Variants in DLGAP5 observed in about 807,000 individuals in gnomAD.
DLGAP5 encodes disks large-associated protein 5.
DLGAP5 carries 90 observed loss-of-function variants against 99.6 expected under a neutral mutation model. The ratio of observed to expected loss-of-function variants is 0.90; its 90% CI spans 0.76 to 1.08. The LOEUF (loss-of-function observed/expected upper bound fraction) is 1.08. DLGAP5 is among the 50% of genes least tolerant of loss of function. The pLI is 0.00. For synonymous variants in DLGAP5, 311 were observed against 321.3 expected (o/e 0.97, Z 0.34); for missense variants, 1,036 against 983.5 (o/e 1.05, Z -0.71).
rs761648332 is a variant in DLGAP5, at chr14:55,176,029, T to C, written c.1050-11A>G. The C allele has an allele frequency of 1.3e-5, 21 of 1,595,900 alleles. No individual in the cohort carries two copies. The highest frequency in any genetic ancestry group is 6.8e-5 in the South Asian group (6 of 87,804). ...GCTTGAGACTCATCACTAAAAACAATAGCAAAAATATACTTCATGAAACAT... is the reference window on the plus strand; with the variant it reads ...GCTTGAGACTCATCACTAAAAACAACAGCAAAAATATACTTCATGAAACAT... On this transcript the variant is annotated splice_polypyrimidine_tract_variant and intron_variant, in intron 8 of 18. Coordinates refer to ENST00000247191, the MANE Select transcript of DLGAP5 (RefSeq NM_014750.5).
intron 15 of DLGAP5, 67 bp downstream of exon 15, chr14:55,154,550 T>C: frequency 7.4e-7 from 1 of 1,354,214 alleles, no homozygotes; most frequent in Non-Finnish European, 1.1e-6. Context: ...TTTTACCATC[T>C]TAACAATCTG....
intron 10 of DLGAP5, 106 bp from the exon 11 acceptor site, chr14:55,170,893 C>G (rs1040605175): frequency 1.4e-5 from 11 of 759,410 alleles, no homozygotes; most frequent in Non-Finnish European, 2.4e-5. Flanking sequence ...TAAAAGGGAG[C>G]CACAATATTT....
At chr14:55,164,282 G>A (rs574785020) in intron 12 of DLGAP5, among the ~76,000 whole-genome samples, 7 of 151,898 alleles carry the variant, frequency 4.6e-5, no homozygotes, top group African/African-American at 1.7e-4. Context: ...ACTAGCCTGG[G>A]CAACAAGGCA....
chr14:55,148,794 T>C (rs922961765), intron 18 of DLGAP5: 2 of 373,698 alleles, frequency 5.4e-6, no homozygotes, highest in Non-Finnish European at 1.0e-5. Context: ...CAAATGTATA[T>C]TACAGTTTTT....
Position 55,189,010 on chromosome 14 carries a change from C to A in DLGAP5, c.170G>T (p.Gly57Val). The change falls in exon 2 of 19, where the codon GGT (glycine) becomes GTT (valine). Residue 57 changes from glycine (G) to valine (V), a missense_variant. Transcript: ENST00000247191. ...LKDVNIPTLEGRILVELDETS... is the reference protein window; with the variant it reads ...LKDVNIPTLEVRILVELDETS... Reference sequence around the variant, plus strand: ...CTCATCTAATTCAACAAGAATTCTACCTTCCAAGGTTGGAATGTTTACATC... The same window carrying A: ...CTCATCTAATTCAACAAGAATTCTAACTTCCAAGGTTGGAATGTTTACATC... 6.2e-7 allele frequency: 1 copy of A among 1,613,922 alleles called. No individual in the cohort carries two copies.
At chr14:55,171,546 T>G (rs1479603027) in intron 10 of DLGAP5, among the ~76,000 whole-genome samples, 1 of 152,174 alleles carries the variant, frequency 6.6e-6, no homozygotes, top group African/African-American at 2.4e-5. Flanking sequence ...AAAGCCACTG[T>G]AGAAAACAGT....
chr14:55,163,612 G>A (rs1436560609), intron 12 of DLGAP5, among the ~76,000 whole-genome samples: 2 of 152,174 alleles, frequency 1.3e-5, no homozygotes, highest in Non-Finnish European at 2.9e-5. Flanking sequence ...GTCTTCTAAA[G>A]TGGATATAAC....
chr14:55,184,131 C>T (rs1231608842), intron 2 of DLGAP5, among the ~76,000 whole-genome samples: 2 of 150,936 alleles, frequency 1.3e-5, no homozygotes, highest in Non-Finnish European at 2.9e-5. Context: ...CCAGCCTAAG[C>T]AACAGAGCAA....
In DLGAP5 at chr14:55,153,368, C is replaced by T. The variant is rs555809122; in HGVS notation, c.2064-721G>A. Among the ~76,000 whole-genome samples the T allele has an allele frequency of 3.9e-5, 6 of 152,028 alleles. No individual in the cohort carries two copies. The East Asian group carries it at 1.2e-3, about 30-fold the overall frequency. On this transcript the variant is annotated intron_variant, in intron 15 of 18. Coordinates refer to ENST00000247191, the MANE Select transcript of DLGAP5 (RefSeq NM_014750.5). ...CATCCTGGCTAACATGGTGAAACCC[C>T]GTCTCTACTAAAAATACAAAAAATT...
At chr14:55,157,906 G>T (rs1183736419) in intron 14 of DLGAP5, among the ~76,000 whole-genome samples, 2 of 152,204 alleles carry the variant, frequency 1.3e-5, no homozygotes, top group Non-Finnish European at 2.9e-5. Context: ...GGGACTACAG[G>T]CATGTACTGC....
chr14:55,159,737 C>T (rs775064986), intron 13 of DLGAP5, among the ~76,000 whole-genome samples: 9 of 152,028 alleles, frequency 5.9e-5, no homozygotes, highest in Non-Finnish European at 1.2e-4. Flanking sequence ...GTCTGCAATA[C>T]AGACTTGAGA....
Position 55,148,278 on chromosome 14 carries a change from C to T in DLGAP5, c.*73G>A. 2.0e-6 allele frequency: 3 copies of T among 1,485,542 alleles called. No homozygotes were observed. The highest frequency in any genetic ancestry group is 2.8e-6 in the Non-Finnish European group (3 of 1,089,106). 92.0% of individuals were successfully genotyped at this position (1,485,542 alleles called of 1,614,324 possible). ...GAAGTGAACACAAATACATTTTCTC[C>T]AAAATTTCAATAGTCTAAGGAATAT... On this transcript the variant is annotated 3_prime_UTR_variant, in exon 19 of 19. Transcript: ENST00000247191.
intron 8 of DLGAP5, 41 bp downstream of exon 8, chr14:55,177,021 C>G (rs189384962): frequency 9.6e-7 from 1 of 1,046,540 alleles, no homozygotes; most frequent in East Asian, 3.0e-5. Flanking sequence ...CATTTATTAC[C>G]CATCTTAGCA....
intron 3 of DLGAP5, among the ~76,000 whole-genome samples, chr14:55,183,354 A>C (rs540873739): frequency 5.6e-4 from 85 of 152,250 alleles, no homozygotes; most frequent in African/African-American, 1.8e-3. Flanking sequence ...TGATTCTACC[A>C]ATTTTCCTAG....
intron 13 of DLGAP5, among the ~76,000 whole-genome samples, chr14:55,162,202 T>G (rs550453749): frequency 6.6e-6 from 1 of 152,232 alleles, no homozygotes; most frequent in Non-Finnish European, 1.5e-5. Context: ...ATCCATTTCA[T>G]ACGACTGTTG....
In DLGAP5 at chr14:55,175,406, G is replaced by A. The variant is rs202071015; in HGVS notation, c.1241C>T (p.Pro414Leu). The A allele has an allele frequency of 1.9e-6, 3 of 1,597,460 alleles. No individual in the cohort carries two copies. The highest frequency in any genetic ancestry group is 2.3e-5 in the East Asian group (1 of 44,376). The part of the protein sequence containing the change: ...NLNGLPIKEV[P>L]SLERNEGRIA... ...TCGACCTTCATTTCTTTCAAGTGAT[G>A]GGACTTCTTTTATTGGAAGGCCATT... Residue 414 changes from proline to leucine, a missense_variant, in exon 10 of 19, where the codon CCA becomes CTA. Transcript: ENST00000247191.
chr14:55,160,553 T>C (rs1265275207), intron 13 of DLGAP5, among the ~76,000 whole-genome samples: 2 of 151,930 alleles, frequency 1.3e-5, no homozygotes, highest in African/African-American at 4.8e-5. Flanking sequence ...GTTCAAGTGA[T>C]TCTCCTACCC....
At chr14:55,159,051 C>T (rs903434907) in intron 13 of DLGAP5, among the ~76,000 whole-genome samples, 34 of 149,660 alleles carry the variant, frequency 2.3e-4, no homozygotes, top group Non-Finnish European at 4.6e-4. Flanking sequence ...ACACCCCCCC[C>T]CCATAAAAAA....
intron 2 of DLGAP5, among the ~76,000 whole-genome samples, chr14:55,187,752 G>T (rs1320937402): frequency 6.6e-6 from 1 of 152,010 alleles, no homozygotes; most frequent in East Asian, 1.9e-4. Context: ...TCCTGCCTCA[G>T]CCTCTGGAGT....
Sources: gnomAD v4.1 joint callset for allele counts (sites outside exome capture counted in the v4.1 genomes callset) on GRCh38, gnomAD v4.1.1 for gene constraint, MANE v1.5 for transcripts, NCBI Gene and HGNC (gene_info 2026-07-23, HGNC 2026-07-21) for gene names.